DCC: variants seen among roughly 807,000 people sequenced by gnomAD.
DCC encodes the protein netrin receptor DCC.
A neutral mutation model predicts 172.5 loss-of-function variants in DCC; 58 were observed. The observed-to-expected ratio is 0.34, with a 90% CI of 0.27 to 0.42. The LOEUF is 0.42. Ranked by LOEUF, DCC falls within the 10% of genes least tolerant of loss-of-function variation. DCC has a pLI of 1.00. For missense variants in DCC, 1,740 were observed against 1,791.0 expected (o/e 0.97, Z 0.51); for synonymous variants, 709 against 644.5 (o/e 1.10, Z -1.52).
At chr18:53,333,805 T>C (rs913267642) in intron 14 of DCC, among the ~76,000 whole-genome samples, 2 of 152,232 alleles carry the variant, frequency 1.3e-5, no homozygotes, top group African/African-American at 4.8e-5. Flanking sequence ...ACACATTTAT[T>C]TTAAATACCA....
intron 18 of DCC, among the ~76,000 whole-genome samples, chr18:53,402,575 A>G (rs529759626): frequency 1.3e-5 from 2 of 152,148 alleles, no homozygotes; most frequent in African/African-American, 4.8e-5. Flanking sequence ...CTCTATAGTC[A>G]CACCTTGGGA....
intron 7 of DCC, among the ~76,000 whole-genome samples, chr18:53,089,767 T>C (rs2042976183): frequency 6.6e-6 from 1 of 152,330 alleles, no homozygotes; most frequent in African/African-American, 2.4e-5. Flanking sequence ...TGAAGTCATG[T>C]GATGCATAAA....
chr18:53,256,251 C>T (rs1363799926), intron 12 of DCC, among the ~76,000 whole-genome samples: 1 of 152,148 alleles, frequency 6.6e-6, no homozygotes, highest in Non-Finnish European at 1.5e-5. Context: ...GCTTTTGTTG[C>T]CATTGCTTTT....
chr18:53,250,531 A>T (rs2056416824), intron 12 of DCC, among the ~76,000 whole-genome samples: 1 of 151,582 alleles, frequency 6.6e-6, no homozygotes, highest in Admixed American at 6.6e-5. Context: ...CAGCTCCCAG[A>T]CCTACAGGCA....
chr18:52,561,101 AT>A (rs1251423171), intron 1 of DCC, among the ~76,000 whole-genome samples: 2 of 151,998 alleles, frequency 1.3e-5, no homozygotes, highest in East Asian at 1.9e-4. Flanking sequence ...TTTATTCAAG[AT>A]TTTTTTTAAT....
chr18:52,882,552 C>T (rs1598895264), intron 2 of DCC, among the ~76,000 whole-genome samples: 3 of 151,718 alleles, frequency 2.0e-5, no homozygotes, highest in Non-Finnish European at 4.4e-5. Flanking sequence ...TGTTTAATTT[C>T]CATGTGTTTG....
intron 2 of DCC, among the ~76,000 whole-genome samples, chr18:52,847,246 A>G (rs764691180): frequency 6.6e-6 from 1 of 152,208 alleles, no homozygotes; most frequent in African/African-American, 2.4e-5. Flanking sequence ...ATTTGAATTT[A>G]CATACCCAGA....
chr18:52,586,108 A>ACC (rs1568241840), intron 1 of DCC, among the ~76,000 whole-genome samples: 1 of 124,910 alleles, frequency 8.0e-6, no homozygotes, highest in Non-Finnish European at 1.7e-5. Context: ...AAAAAAAAAA[A>ACC]CAAAAACACT....
At chr18:53,175,823 AC>A (rs1337355349) in intron 8 of DCC, among the ~76,000 whole-genome samples, 1 of 152,020 alleles carries the variant, frequency 6.6e-6, no homozygotes, top group Non-Finnish European at 1.5e-5. Context: ...ATTGGAAAAA[AC>A]TACTTTAAAG....
chr18:52,577,091 G>A (rs762091362), intron 1 of DCC, among the ~76,000 whole-genome samples: 5 of 152,200 alleles, frequency 3.3e-5, no homozygotes, highest in Admixed American at 6.5e-5. Flanking sequence ...GAATCAAGAT[G>A]CACTTAGGCA....
intron 15 of DCC, among the ~76,000 whole-genome samples, chr18:53,344,771 A>G (rs920506508): frequency 6.6e-6 from 1 of 151,344 alleles, no homozygotes; most frequent in African/African-American, 2.4e-5. Context: ...CTTTAGCAAT[A>G]TGTCTGATAT....
chr18:53,459,564 A>G, intron 24 of DCC, 106 bp downstream of exon 24: 3 of 768,622 alleles, frequency 3.9e-6, no homozygotes, highest in East Asian at 5.2e-5. Flanking sequence ...GCATGTCATT[A>G]TGGGTCATTT....
Position 52,613,999 on chromosome 18 carries a change from A to C in DCC, c.92-138055A>C, listed in dbSNP as rs535120338. 1.5e-4 allele frequency among the ~76,000 whole-genome samples: 23 copies of C among 152,306 alleles called. No homozygotes were observed. The South Asian group carries it at 3.9e-3, about 26-fold the overall frequency. ...GTGTTGGTGTTTGTGCCGGGATGTT[A>C]AGCTCAGGGCAAAGGGATTCCAGAC... is the stretch of plus-strand genomic sequence containing the variant. On this transcript the variant is annotated intron_variant, in intron 1 of 28. Transcript: ENST00000442544.
intron 1 of DCC, among the ~76,000 whole-genome samples, chr18:52,445,333 G>A (rs867958979): frequency 2.6e-5 from 4 of 152,162 alleles, no homozygotes; most frequent in African/African-American, 7.2e-5. Flanking sequence ...AACAGCAGGC[G>A]TATTACCAAT....
At chr18:52,469,856 G>T (rs1317218486) in intron 1 of DCC, among the ~76,000 whole-genome samples, 1 of 152,192 alleles carries the variant, frequency 6.6e-6, no homozygotes, top group Non-Finnish European at 1.5e-5. Context: ...GCCTCCAGCT[G>T]CCAGATGAAG....
At chr18:53,491,350 C>T (rs1043152936) in intron 26 of DCC, among the ~76,000 whole-genome samples, 2 of 152,162 alleles carry the variant, frequency 1.3e-5, no homozygotes, top group Non-Finnish European at 2.9e-5. Flanking sequence ...ATTAAACTTA[C>T]AATCACAATA....
chr18:53,506,496 T>G (rs2046177130), intron 27 of DCC, among the ~76,000 whole-genome samples: 2 of 151,740 alleles, frequency 1.3e-5, no homozygotes, highest in South Asian at 4.2e-4. Context: ...AATTCAGTGG[T>G]TTATTTTTAT....
At chr18:52,769,163 T>C (rs1360028626) in intron 2 of DCC, among the ~76,000 whole-genome samples, 1 of 152,208 alleles carries the variant, frequency 6.6e-6, no homozygotes, top group Admixed American at 6.5e-5. Flanking sequence ...CAAATTATCT[T>C]CCAAAGTGGA....
intron 1 of DCC, among the ~76,000 whole-genome samples, chr18:52,395,015 G>C (rs977573172): frequency 2.6e-5 from 4 of 151,942 alleles, no homozygotes; most frequent in African/African-American, 4.8e-5. Context: ...TAAAATAAAC[G>C]GGGAAATGGG....
Sources: allele counts gnomAD v4.1 joint callset (sites outside exome capture counted in the v4.1 genomes callset), GRCh38; gene constraint gnomAD v4.1.1; transcripts MANE v1.5; gene names NCBI Gene and HGNC (gene_info 2026-07-23, HGNC 2026-07-21).